PRSS3: variants seen among roughly 807,000 people sequenced by gnomAD.
The protein encoded by PRSS3 is serine protease 3.
Under a neutral mutation model 20.8 loss-of-function variants are expected in PRSS3, and 14 were observed. That is an observed-to-expected ratio of 0.67 (90% CI 0.44 to 1.05). The LOEUF is 1.05. Among genes scored for constraint, PRSS3 ranks in the 50% least tolerant of loss-of-function variants. PRSS3 has a pLI of 0.00. For missense variants in PRSS3, 237 were observed against 306.4 expected, an observed-to-expected ratio of 0.77 and a Z score of 1.69; for synonymous variants, 91 against 117.6, an observed-to-expected ratio of 0.77 and a Z score of 1.46.
intron 1 of PRSS3, among the ~76,000 whole-genome samples, chr9:33,751,768 G>A (rs1822708526): frequency 6.6e-6 from 1 of 152,144 alleles, no homozygotes; most frequent in Non-Finnish European, 1.5e-5. Context: ...TTAACCAGAT[G>A]TGTTATATTT....
intron 1 of PRSS3, among the ~76,000 whole-genome samples, chr9:33,776,388 T>TA (rs752656224): frequency 6.6e-6 from 1 of 152,112 alleles, no homozygotes; most frequent in African/African-American, 2.4e-5. Context: ...CAGATTTTTT[T>TA]AAAAAAAGCT....
At chr9:33,766,850 T>C (rs181640165) in intron 1 of PRSS3, among the ~76,000 whole-genome samples, 20 of 152,184 alleles carry the variant, frequency 1.3e-4, no homozygotes, top group African/African-American at 4.8e-4. Context: ...ATAGTTGTAA[T>C]TTTATATAAA....
At chr9:33,754,961 G>C (rs188928540) in intron 1 of PRSS3, among the ~76,000 whole-genome samples, 106 of 152,252 alleles carry the variant, frequency 7.0e-4, no homozygotes, top group African/African-American at 2.5e-3. Flanking sequence ...CTCTAAATAG[G>C]TTGTTATTTG....
intron 1 of PRSS3, among the ~76,000 whole-genome samples, chr9:33,753,512 T>C (rs1266864181): frequency 6.6e-6 from 1 of 152,240 alleles, no homozygotes; most frequent in African/African-American, 2.4e-5. Flanking sequence ...CTTATTTTGA[T>C]GTACTCTTTT....
chr9:33,786,789 G>C lies in PRSS3; in HGVS notation c.-52-7957G>C, dbSNP rs568661632. 1.2e-4 allele frequency: 91 copies of C among 765,098 alleles called. No individual in the cohort carries two copies. In the African/African-American group the frequency reaches 1.5e-3, roughly 12 times the overall value. 47.4% of individuals were successfully genotyped at this position (765,098 alleles called of 1,614,324 possible). On this transcript the variant is annotated intron_variant, in intron 1 of 5. Transcript: ENST00000342836. ...TCAACTCTGACTGTGAGCAACAGGA[G>C]ACCTGAAGACAGCAGCATATACCTC...
chr9:33,751,290 A>G (rs1309774343), intron 1 of PRSS3, among the ~76,000 whole-genome samples: 1 of 152,234 alleles, frequency 6.6e-6, no homozygotes, highest in African/African-American at 2.4e-5. Flanking sequence ...TCCTGAGGCC[A>G]GGAAGCCTGG....
intron 1 of PRSS3, among the ~76,000 whole-genome samples, chr9:33,758,453 G>A (rs938286046): frequency 1.5e-4 from 23 of 152,184 alleles, no homozygotes; most frequent in African/African-American, 5.5e-4. Flanking sequence ...TTAATCATCA[G>A]CACTAACAAT....
At position 33,786,254 on chromosome 9, in the gene PRSS3, T is replaced by C. The variant is rs1376681761; in HGVS notation, c.-52-8492T>C. The C allele has an allele frequency of 7.2e-6, 4 of 557,462 alleles. No homozygotes were observed. The Admixed American group carries it at 8.8e-5, about 12-fold the overall frequency. 34.5% of individuals were successfully genotyped at this position (557,462 alleles called of 1,614,324 possible). On this transcript the variant is annotated intron_variant, in intron 1 of 5. Transcript: ENST00000342836. ...TCCTGCTCCTTCTCCGGGGATTAGG[T>C]ATGAGCCTTGACTTGTGAGGAGTCT...
chr9:33,751,023 C>A (rs1314926965), intron 1 of PRSS3, among the ~76,000 whole-genome samples: 1 of 152,090 alleles, frequency 6.6e-6, no homozygotes, highest in African/African-American at 2.4e-5. Flanking sequence ...CCCCCGAGTG[C>A]CTATGTCCGG....
intron 1 of PRSS3, among the ~76,000 whole-genome samples, chr9:33,754,940 G>A (rs140315771): frequency 3.3e-5 from 5 of 152,270 alleles, no homozygotes; most frequent in Non-Finnish European, 7.4e-5. Context: ...TTTATGAGTC[G>A]TAGATCCTAT....
upstream of PRSS3, among the ~76,000 whole-genome samples, chr9:33,794,053 C>T (rs967281388): frequency 6.6e-6 from 1 of 152,232 alleles, no homozygotes; most frequent in Non-Finnish European, 1.5e-5. Context: ...TTGGCCATGC[C>T]AGGAGCTGAA....
chr9:33,761,556 A>G (rs1448284694), intron 1 of PRSS3, among the ~76,000 whole-genome samples: 1 of 152,088 alleles, frequency 6.6e-6, no homozygotes, highest in Non-Finnish European at 1.5e-5. Context: ...AAATTACAAA[A>G]TTAGCCAGGC....
At chr9:33,798,212 C>G in intron 3 of PRSS3, 130 bp downstream of exon 3, 2 of 1,511,264 alleles carry the variant, frequency 1.3e-6, no homozygotes, top group South Asian at 1.2e-5. Context: ...CACACAGTCT[C>G]TGCACTGGGC....
chr9:33,793,297 G>T (rs1304549555), upstream of PRSS3, among the ~76,000 whole-genome samples: 1 of 152,246 alleles, frequency 6.6e-6, no homozygotes, highest in Non-Finnish European at 1.5e-5. Flanking sequence ...GTCTACAGTT[G>T]CTACAGCAAG....
intron 1 of PRSS3, among the ~76,000 whole-genome samples, chr9:33,770,697 A>G (rs541972939): frequency 6.6e-6 from 1 of 152,348 alleles, no homozygotes; most frequent in South Asian, 2.1e-4. Context: ...CAAGAGGATG[A>G]CTATGTGAGG....
At chr9:33,786,630 T>A (rs1824423811) in intron 1 of PRSS3, 1 of 766,288 alleles carries the variant, frequency 1.3e-6, no homozygotes, top group African/African-American at 1.7e-5. Flanking sequence ...CAAGTCACCA[T>A]GATGTTCTGG....
chr9:33,794,675 A>T (rs1331681401), upstream of PRSS3: 1 of 1,465,052 alleles, frequency 6.8e-7, no homozygotes, highest in Non-Finnish European at 9.0e-7. Context: ...ACATCTGATC[A>T]GGGGCATGTC....
chr9:33,793,786 C>T (rs1824750623), upstream of PRSS3: 2 of 808,052 alleles, frequency 2.5e-6, no homozygotes, highest in Non-Finnish European at 1.5e-6. Context: ...CAGTCTCTTC[C>T]TCTATAAATG....
intron 1 of PRSS3, among the ~76,000 whole-genome samples, chr9:33,784,346 T>C (rs706140): frequency 0.97 from 147,221 of 152,318 alleles, 71,248 homozygotes; most frequent in Non-Finnish European, 1. Context: ...GTTTGATACA[T>C]TTGACTAAAA....
Sources: gnomAD v4.1 joint callset for allele counts (sites outside exome capture counted in the v4.1 genomes callset) on GRCh38, gnomAD v4.1.1 for gene constraint, MANE v1.5 for transcripts, NCBI Gene and HGNC (gene_info 2026-07-23, HGNC 2026-07-21) for gene names.